Variants in CUEDC1 observed in about 807,000 individuals in gnomAD.
The protein encoded by CUEDC1 is CUE domain-containing protein 1.
A neutral mutation model predicts 43.7 loss-of-function variants in CUEDC1; 30 were observed. The ratio of observed to expected loss-of-function variants is 0.69; its 90% CI spans 0.51 to 0.93. The LOEUF (loss-of-function observed/expected upper bound fraction) is 0.93. Among genes scored for constraint, CUEDC1 ranks in the 40% least tolerant of loss-of-function variants. The probability of loss-of-function intolerance (pLI) is 0.00; values close to 1 mark genes in which losing one functional copy is unlikely to be tolerated. For synonymous variants in CUEDC1, 223 were observed against 223.6 expected (o/e 1.00, Z 0.02); for missense variants, 486 against 549.0 (o/e 0.89, Z 1.15).
Position 57,939,614 on chromosome 17 carries a change from T to G in CUEDC1, c.-316+15611A>C, listed in dbSNP as rs111419856. On this transcript the variant is annotated intron_variant, in intron 1 of 10. Coordinates refer to ENST00000577830, the MANE Select transcript of CUEDC1 (RefSeq NM_001271875.2). ...TCTGGACGTGTCTGGCCAGCTCATATCCCTCCTGTGAGGACCGCCTCTACT... is the reference window on the plus strand; with the variant it reads ...TCTGGACGTGTCTGGCCAGCTCATAGCCCTCCTGTGAGGACCGCCTCTACT... Among the ~76,000 whole-genome samples, 664 of 152,140 alleles carry G rather than the reference T, an allele frequency of 4.4e-3. 3 individuals carry two copies. The highest frequency in any genetic ancestry group is 0.015 in the African/African-American group (633 of 41,484).
chr17:57,951,689 C>T (rs1374133233), intron 1 of CUEDC1, among the ~76,000 whole-genome samples: 1 of 152,090 alleles, frequency 6.6e-6, no homozygotes, highest in Non-Finnish European at 1.5e-5. Flanking sequence ...GAACTCCTGA[C>T]CTCAGGTGAT....
In CUEDC1 at chr17:57,932,490, C is replaced by T. The variant is rs531155881; in HGVS notation, c.-316+22735G>A. On this transcript the variant is annotated intron_variant, in intron 1 of 10. Coordinates refer to ENST00000577830, the MANE Select transcript of CUEDC1 (RefSeq NM_001271875.2). ...GTCCCAGTTACTCGGGAGGCCGAGG[C>T]AGGAGAATGTTGTGAACCCAGGAGG... is the stretch of plus-strand genomic sequence containing the variant. Among the ~76,000 whole-genome samples, 67 of 145,580 alleles carry T rather than the reference C, an allele frequency of 4.6e-4. 1 individual carries two copies. In the Middle Eastern group the frequency reaches 0.011, roughly 25 times the overall value.
At chr17:57,894,076 G>A (rs2074384568) in intron 1 of CUEDC1, among the ~76,000 whole-genome samples, 1 of 152,328 alleles carries the variant, frequency 6.6e-6, no homozygotes, top group South Asian at 2.1e-4. Flanking sequence ...CTGGGTGACA[G>A]AGCAAGACTC....
At chr17:57,873,856 C>T in intron 3 of CUEDC1, 139 bp from the exon 4 acceptor site, 1 of 852,270 alleles carries the variant, frequency 1.2e-6, no homozygotes, top group Non-Finnish European at 1.7e-6. Flanking sequence ...AGAACAAAGG[C>T]CCGTCACTCT....
rs912784775 is a variant in CUEDC1, at chr17:57,954,471, C to G, written c.-316+754G>C. Among the ~76,000 whole-genome samples the G allele has an allele frequency of 6.6e-6, 1 of 152,042 alleles. No individual in the cohort carries two copies. Among genetic ancestry groups the G allele is most frequent in the African/African-American group, 2.4e-5 (1 of 41,384 alleles). On this transcript the variant is annotated intron_variant, in intron 1 of 10. Transcript: ENST00000577830. The surrounding 1 kb of genome is among the most constrained non-coding windows in gnomAD (Gnocchi z 4.3). ...GGGAAAAGAAATGGGCAGGGCAGTGCTGGGTGTAAGGCGACCACGCGACCG... is the reference window on the plus strand; with the variant it reads ...GGGAAAAGAAATGGGCAGGGCAGTGGTGGGTGTAAGGCGACCACGCGACCG...
At chr17:57,873,545 G>A (rs1234761304) in intron 4 of CUEDC1, 46 bp downstream of exon 4, 1 of 1,502,244 alleles carries the variant, frequency 6.7e-7, no homozygotes, top group Non-Finnish European at 8.9e-7. Context: ...AAAGAGAGAT[G>A]CTGGACAAGC....
intron 1 of CUEDC1, among the ~76,000 whole-genome samples, chr17:57,899,088 G>T (rs1239714292): frequency 6.6e-6 from 1 of 152,210 alleles, no homozygotes; most frequent in Admixed American, 6.5e-5. Context: ...GGAGGGAGGG[G>T]TGGCTGGCCC....
Position 57,885,804 on chromosome 17 carries a change from G to A in CUEDC1, c.-240C>T. The A allele has an allele frequency of 2.3e-6, 1 of 425,764 alleles. No individual in the cohort carries two copies. The highest frequency in any genetic ancestry group is 3.8e-6 in the Non-Finnish European group (1 of 261,592). 26.4% of individuals were successfully genotyped at this position (425,764 alleles called of 1,614,324 possible). A position where few individuals can be genotyped will look rare whatever the true frequency, so the allele number is the denominator to read the frequency against. On this transcript the variant is annotated 5_prime_UTR_variant, in exon 2 of 11. Transcript: ENST00000577830. ...TCGCGGGGCGGTGGCATGCGGGACC[G>A]GGCCGTGCTGGGGCTGGGCGGCCGG...
At chr17:57,920,716 C>T (rs377229675) in intron 1 of CUEDC1, among the ~76,000 whole-genome samples, 46 of 151,070 alleles carry the variant, frequency 3.0e-4, no homozygotes, top group African/African-American at 9.3e-4. Context: ...ACTGCAAACT[C>T]CACCTCCTGG....
intron 10 of CUEDC1, among the ~76,000 whole-genome samples, chr17:57,865,051 T>C (rs2073936999): frequency 6.7e-6 from 1 of 150,156 alleles, no homozygotes; most frequent in East Asian, 1.9e-4. Context: ...AGCGAGACTC[T>C]GTCTCAAAAT....
intron 5 of CUEDC1, among the ~76,000 whole-genome samples, chr17:57,871,638 G>A (rs1249579595): frequency 2.0e-5 from 3 of 152,170 alleles, no homozygotes; most frequent in African/African-American, 7.2e-5. Flanking sequence ...AAAAAGAAAG[G>A]CACGGCCAGG....
intron 1 of CUEDC1, among the ~76,000 whole-genome samples, chr17:57,896,487 G>GGGGGTGTGTGT (rs375270781): frequency 7.7e-6 from 1 of 130,282 alleles, no homozygotes. Context: ...TGCATTATGG[G>GGGGGTGTGTGT]GTGTGTGTGT....
chr17:57,892,499 C>T (rs2074365730), intron 1 of CUEDC1: 1 of 152,378 alleles, frequency 6.6e-6, no homozygotes, highest in Non-Finnish European at 1.5e-5. Context: ...ACTCCTCAGA[C>T]CAGCTCTGTC....
chr17:57,887,585 A>G (rs1296644687), intron 1 of CUEDC1, among the ~76,000 whole-genome samples: 1 of 145,250 alleles, frequency 6.9e-6, no homozygotes, highest in Non-Finnish European at 1.5e-5. Context: ...TCTGCCTCCC[A>G]GGTTCAAGCA....
At position 57,905,297 on chromosome 17, in the gene CUEDC1, C is replaced by T. The variant is rs114660880; in HGVS notation, c.-315-19418G>A. 7.7e-3 allele frequency among the ~76,000 whole-genome samples: 1,169 copies of T among 151,680 alleles called. 13 individuals carry two copies. Among genetic ancestry groups the T allele is most frequent in the African/African-American group, 0.027 (1,095 of 41,294 alleles). ...ACACACACACACACACACACTCCAG[C>T]CTGCTGCTCAACTCTCCACCCAGCT... On this transcript the variant is annotated intron_variant, in intron 1 of 10. Coordinates refer to ENST00000577830, the MANE Select transcript of CUEDC1 (RefSeq NM_001271875.2).
At chr17:57,879,929 C>G (rs190251942) in intron 2 of CUEDC1, among the ~76,000 whole-genome samples, 191 bp from the exon 3 acceptor site, 18 of 152,330 alleles carry the variant, frequency 1.2e-4, no homozygotes, top group Admixed American at 2.0e-4. Context: ...ATGGCTACCT[C>G]TGACCCTCCA....
intron 2 of CUEDC1, among the ~76,000 whole-genome samples, chr17:57,884,236 C>T (rs2074256370): frequency 7.4e-6 from 1 of 134,338 alleles, no homozygotes; most frequent in Non-Finnish European, 1.6e-5. Flanking sequence ...CTTGTTCTGT[C>T]ACCCAGGCTG....
At chr17:57,881,595 GTGGGTCTCAGTGGC>G (rs1247125980) in intron 2 of CUEDC1, among the ~76,000 whole-genome samples, 2 of 152,216 alleles carry the variant, frequency 1.3e-5, no homozygotes, top group Non-Finnish European at 2.9e-5. Context: ...GCCAGCAGTG[GTGGGTCTCAGTGGC>G]TGGCCTGGGC....
chr17:57,907,849 A>AC (rs1465136607), intron 1 of CUEDC1, among the ~76,000 whole-genome samples: 2 of 151,776 alleles, frequency 1.3e-5, no homozygotes, highest in African/African-American at 4.8e-5. Flanking sequence ...CAAAAAAAAA[A>AC]AAAAAAAATA....
Sources: allele counts gnomAD v4.1 joint callset (sites outside exome capture counted in the v4.1 genomes callset), GRCh38; gene constraint gnomAD v4.1.1; non-coding constraint Gnocchi (gnomAD v3.1); transcripts MANE v1.5; gene names NCBI Gene and HGNC (gene_info 2026-07-23, HGNC 2026-07-21).